The following PDE4D variants were observed in gnomAD, a reference collection of about 807,000 sequenced individuals.
PDE4D encodes 3',5'-cyclic-AMP phosphodiesterase 4D.
A neutral mutation model predicts 87.4 loss-of-function variants in PDE4D; 24 were observed. That is an observed-to-expected ratio of 0.27 (90% CI 0.20 to 0.39). The LOEUF (loss-of-function observed/expected upper bound fraction) is 0.39, where lower values mean the gene tolerates loss of function less well. PDE4D is among the 10% of genes least tolerant of loss of function. The pLI, the probability that PDE4D is intolerant of heterozygous loss-of-function variation, is 1.00. For synonymous variants in PDE4D, 384 were observed against 383.2 expected (o/e 1.00, Z -0.02); for missense variants, 714 against 1,041.0 (o/e 0.69, Z 4.32).
At chr5:60,501,335 A>T (rs1750066265) in intron 1 of PDE4D, among the ~76,000 whole-genome samples, 1 of 151,900 alleles carries the variant, frequency 6.6e-6, no homozygotes. Flanking sequence ...TGAACTCATC[A>T]TGTTTTATGG....
At chr5:60,222,560 G>C (rs1240521062) in intron 1 of PDE4D, among the ~76,000 whole-genome samples, 1 of 152,138 alleles carries the variant, frequency 6.6e-6, no homozygotes, top group East Asian at 1.9e-4. Flanking sequence ...CTCTTTAAGG[G>C]ATACTGAACG....
At chr5:59,050,848 AG>A (rs1341551266) in intron 5 of PDE4D, among the ~76,000 whole-genome samples, 3 of 152,256 alleles carry the variant, frequency 2.0e-5, no homozygotes, top group Non-Finnish European at 4.4e-5. Flanking sequence ...TAAAGTACCA[AG>A]GGCTGTATCT....
intron 3 of PDE4D, among the ~76,000 whole-genome samples, chr5:59,925,258 TTGTC>T (rs1755134404): frequency 6.7e-6 from 1 of 149,730 alleles, no homozygotes; most frequent in South Asian, 2.1e-4. Context: ...TTCTCTTTCC[TTGTC>T]TGTTTGTTTA....
intron 3 of PDE4D, among the ~76,000 whole-genome samples, chr5:59,952,123 T>C (rs1313089379): frequency 1.3e-5 from 2 of 152,160 alleles, no homozygotes; most frequent in East Asian, 3.9e-4. Context: ...CTGATAGTTT[T>C]CTAAGGGGCT....
intron 2 of PDE4D, among the ~76,000 whole-genome samples, chr5:60,095,076 T>G (rs1275442566): frequency 6.6e-6 from 1 of 152,212 alleles, no homozygotes; most frequent in Non-Finnish European, 1.5e-5. Flanking sequence ...ATACTTTAAG[T>G]TCTGGGATAC....
At chr5:60,222,514 T>C (rs1029825350) in intron 1 of PDE4D, among the ~76,000 whole-genome samples, 2 of 152,174 alleles carry the variant, frequency 1.3e-5, no homozygotes, top group Non-Finnish European at 2.9e-5. Context: ...AATTTAGGAA[T>C]AGAATTTATA....
intron 2 of PDE4D, among the ~76,000 whole-genome samples, chr5:60,168,509 G>T (rs1363035191): frequency 6.6e-6 from 1 of 152,174 alleles, no homozygotes; most frequent in Non-Finnish European, 1.5e-5. Context: ...CTTCTGAGTA[G>T]GTAGGCCGCA....
chr5:59,949,082 G>C (rs183468852), intron 3 of PDE4D, among the ~76,000 whole-genome samples: 1 of 152,288 alleles, frequency 6.6e-6, no homozygotes, highest in East Asian at 1.9e-4. Flanking sequence ...TCAGAATGAT[G>C]TATATGTGTG....
At chr5:59,958,756 G>A (rs1561910627) in intron 3 of PDE4D, among the ~76,000 whole-genome samples, 1 of 152,026 alleles carries the variant, frequency 6.6e-6, no homozygotes, top group Non-Finnish European at 1.5e-5. Context: ...GGCAAACGCT[G>A]GAAACATTCC....
chr5:59,431,540 G>A (rs1796115178), intron 1 of PDE4D, among the ~76,000 whole-genome samples: 1 of 152,106 alleles, frequency 6.6e-6, no homozygotes, highest in South Asian at 2.1e-4. Flanking sequence ...TTCTTCAGTA[G>A]CCAAATTCAG....
chr5:59,070,916 C>G (rs944005188), intron 5 of PDE4D, among the ~76,000 whole-genome samples: 1 of 152,274 alleles, frequency 6.6e-6, no homozygotes, highest in African/African-American at 2.4e-5. Context: ...TTGGGATGTT[C>G]TTTCCTTATT....
chr5:59,038,802 C>T (rs1199245118), intron 6 of PDE4D, 57 bp downstream of exon 6: 3 of 1,401,876 alleles, frequency 2.1e-6, no homozygotes, highest in Non-Finnish European at 2.8e-6. Flanking sequence ...ACCAGTGGCT[C>T]GCCGGCATGG....
chr5:59,414,944 A>T (rs897757059), intron 1 of PDE4D, among the ~76,000 whole-genome samples: 1 of 152,186 alleles, frequency 6.6e-6, no homozygotes, highest in Non-Finnish European at 1.5e-5. Context: ...GGCAGTGAAG[A>T]AATAGTTTGA....
At chr5:59,004,408 T>C (rs1271198919) in intron 6 of PDE4D, among the ~76,000 whole-genome samples, 3 of 152,190 alleles carry the variant, frequency 2.0e-5, no homozygotes, top group Admixed American at 2.0e-4. Flanking sequence ...CTTAGAACAG[T>C]AAGTGCTATC....
At chr5:60,467,591 A>C (rs905759615) in intron 1 of PDE4D, among the ~76,000 whole-genome samples, 2 of 152,126 alleles carry the variant, frequency 1.3e-5, no homozygotes, top group East Asian at 3.9e-4. Context: ...GGCCCAATCC[A>C]TTTCTTCTGC....
intron 1 of PDE4D, among the ~76,000 whole-genome samples, chr5:59,837,335 C>A (rs556389503): frequency 1.6e-4 from 25 of 152,070 alleles, no homozygotes; most frequent in Non-Finnish European, 3.5e-4. Flanking sequence ...TACTATGTAG[C>A]ACTTAGTGTC....
intron 1 of PDE4D, among the ~76,000 whole-genome samples, chr5:60,428,194 T>C (rs1743882710): frequency 6.6e-6 from 1 of 152,188 alleles, no homozygotes; most frequent in Non-Finnish European, 1.5e-5. Context: ...TGAGTATGAA[T>C]AGATTCTAAT....
chr5:58,974,775 T>A lies in PDE4D; in HGVS notation c.2319A>T (p.Ser773=). Residue 773 remains serine (S), a synonymous_variant, in exon 15 of 15, where the codon TCA becomes TCT. Coordinates refer to ENST00000340635, the MANE Select transcript of PDE4D (RefSeq NM_001104631.2). ...SDSKTLCTQD[S]ESTEIPLDEQ... is the part of the protein sequence containing the mutation. ...CATCAAGGGGAATTTCAGTAGACTC[T>A]GAGTCTTGAGTACAAAGAGTCTTGG... The A allele has an allele frequency of 6.2e-7, 1 of 1,613,550 alleles. No homozygotes were observed. Among genetic ancestry groups the A allele is most frequent in the Non-Finnish European group, 8.5e-7 (1 of 1,179,506 alleles).
At chr5:59,770,723 C>CAA (rs143198266) in intron 1 of PDE4D, among the ~76,000 whole-genome samples, 2 of 150,698 alleles carry the variant, frequency 1.3e-5, no homozygotes, top group South Asian at 4.2e-4. Context: ...ACTGAAATGG[C>CAA]AAAAAAAAAT....
Sources: gnomAD v4.1 joint callset for allele counts (sites outside exome capture counted in the v4.1 genomes callset) on GRCh38, gnomAD v4.1.1 for gene constraint, MANE v1.5 for transcripts, NCBI Gene and HGNC (gene_info 2026-07-23, HGNC 2026-07-21) for gene names.